Variants in MFF observed in about 807,000 individuals in gnomAD.
MFF encodes chromosome 2 open reading frame 33.
In MFF, 12 loss-of-function variants were observed where a neutral mutation model predicts 36.9. That is an observed-to-expected ratio of 0.33 (90% CI 0.21 to 0.53). MFF has a LOEUF of 0.53. MFF is among the 20% of genes least tolerant of loss of function. MFF has a pLI of 0.95. For missense variants in MFF, 348 were observed against 366.6 expected (o/e 0.95, Z 0.42); for synonymous variants, 99 against 126.2 (o/e 0.78, Z 1.44).
In MFF at chr2:227,353,181, G is replaced by C. The variant is rs141228874; in HGVS notation, c.659+608G>C. On this transcript the variant is annotated intron_variant, in intron 7 of 8. Transcript: ENST00000304593. Reference sequence around the variant, plus strand: ...GTAGGTTGAGCGTTCCTTTCTTCCTGACACGCACAGAGGCTGGCAGAATGG... The same window carrying C: ...GTAGGTTGAGCGTTCCTTTCTTCCTCACACGCACAGAGGCTGGCAGAATGG... 2.7e-3 allele frequency among the ~76,000 whole-genome samples: 415 copies of C among 152,198 alleles called. 1 individual carries two copies. Among genetic ancestry groups the C allele is most frequent in the African/African-American group, 9.2e-3 (381 of 41,530 alleles).
In MFF at chr2:227,357,220, C is replaced by T; in HGVS notation, c.*103C>T. On this transcript the variant is annotated 3_prime_UTR_variant, in exon 9 of 9. Transcript: ENST00000304593. ...CTGCATTGTATGCCATTTTATAGTC[C>T]ACACCCTGAAAATGTATTTCTTCCA... 1 of 1,239,362 alleles carries T rather than the reference C, an allele frequency of 8.1e-7. No homozygotes were observed. The highest frequency in any genetic ancestry group is 1.1e-6 in the Non-Finnish European group (1 of 888,070). 76.8% of individuals were successfully genotyped at this position (1,239,362 alleles called of 1,614,324 possible). A position where few individuals can be genotyped will look rare whatever the true frequency, so the allele number is the denominator to read the frequency against.
chr2:227,325,397 T>G lies in MFF; in HGVS notation c.-183T>G. 3 of 154,284 alleles carry G rather than the reference T, an allele frequency of 1.9e-5. No homozygotes were observed. Among genetic ancestry groups the G allele is most frequent in the South Asian group, 1.9e-4 (1 of 5,286 alleles). 9.6% of individuals were successfully genotyped at this position (154,284 alleles called of 1,614,324 possible). ...CGCCCCGGGAGCCAGAGGGCGGGGG[T>G]CCTCGCCGGGACCCTCCTGTGGGCC... On this transcript the variant is annotated 5_prime_UTR_variant, in exon 1 of 9. Transcript: ENST00000304593.
rs2075762140 is a variant in MFF, at chr2:227,347,221, A to G, written c.441-5A>G. On this transcript the variant is annotated splice_region_variant and splice_polypyrimidine_tract_variant and intron_variant, in intron 5 of 8. Transcript: ENST00000304593. ...TCTCTTCATTTGCTGTGCTTGTGTA[A>G]ACAGTGTGACACCATCGCCACAACA... is the stretch of plus-strand genomic sequence containing the variant. 6.2e-7 allele frequency: 1 copy of G among 1,612,448 alleles called. No individual in the cohort carries two copies. The highest frequency in any genetic ancestry group is 1.3e-5 in the African/African-American group (1 of 74,862).
chr2:227,346,189 T>G (rs1339657427), intron 5 of MFF: 1 of 167,068 alleles, frequency 6.0e-6, no homozygotes, highest in African/African-American at 2.4e-5. Context: ...ATTTTCTTTT[T>G]TCAATTGTTT....
intron 7 of MFF, among the ~76,000 whole-genome samples, chr2:227,353,585 T>A (rs1184319575): frequency 6.6e-6 from 1 of 152,214 alleles, no homozygotes. Flanking sequence ...AAGTTTGTGA[T>A]CTTTTATCTT....
At chr2:227,356,574 A>G (rs1256856626) in intron 8 of MFF, among the ~76,000 whole-genome samples, 1 of 152,190 alleles carries the variant, frequency 6.6e-6, no homozygotes, top group African/African-American at 2.4e-5. Flanking sequence ...AAGATGAACA[A>G]CTGAGGTTGA....
intron 7 of MFF, among the ~76,000 whole-genome samples, chr2:227,354,937 G>A (rs947394630): frequency 6.6e-6 from 1 of 152,150 alleles, no homozygotes; most frequent in Non-Finnish European, 1.5e-5. Context: ...GAGGTGGGTG[G>A]ATCACCTGAG....
At chr2:227,329,090 T>C (rs1329767765) in intron 2 of MFF, 1 of 152,482 alleles carries the variant, frequency 6.6e-6, no homozygotes, top group Non-Finnish European at 1.5e-5. Context: ...CTTTAATTTA[T>C]ATATAGTGTC....
chr2:227,345,124 T>C (rs1034938464), intron 5 of MFF, among the ~76,000 whole-genome samples: 2 of 152,250 alleles, frequency 1.3e-5, no homozygotes, highest in Non-Finnish European at 2.9e-5. Context: ...TATGTTTGAC[T>C]ATTTTATAAG....
chr2:227,341,018 A>G (rs575867021), intron 5 of MFF, among the ~76,000 whole-genome samples: 1 of 151,964 alleles, frequency 6.6e-6, no homozygotes, highest in Non-Finnish European at 1.5e-5. Flanking sequence ...GTTTTGGCCA[A>G]TTTTCGTAAA....
intron 4 of MFF, among the ~76,000 whole-genome samples, chr2:227,337,890 A>C (rs1295364485): frequency 1.3e-5 from 2 of 149,524 alleles, no homozygotes; most frequent in Admixed American, 6.6e-5. Context: ...CTACCAAAAA[A>C]TACAAAAATT....
intron 4 of MFF, among the ~76,000 whole-genome samples, chr2:227,339,359 G>T (rs2075257005): frequency 6.6e-6 from 1 of 152,220 alleles, no homozygotes; most frequent in African/African-American, 2.4e-5. Context: ...GGTATTTGCA[G>T]TTGCCGTGAA....
chr2:227,351,405 G>A (rs954632636), intron 6 of MFF, among the ~76,000 whole-genome samples: 1 of 31,998 alleles, frequency 3.1e-5, no homozygotes, highest in Non-Finnish European at 1.6e-4. Flanking sequence ...AAAATAATTT[G>A]TATTGTAGTC....
At position 227,330,689 on chromosome 2, in the gene MFF, G is replaced by A. The variant is rs910934708; in HGVS notation, c.24G>A (p.Gln8=). Residue 8 remains glutamine (Q), a synonymous_variant, in exon 3 of 9, where the codon CAG becomes CAA. Transcript: ENST00000304593. MAEISRI[Q]YEMEYTEGIS... ...AGATGGCAGAAATTAGTCGAATTCA[G>A]TACGAAATGGAATATACTGAAGGCA... 2 of 1,614,008 alleles carry A rather than the reference G, an allele frequency of 1.2e-6. No individual in the cohort carries two copies. The highest frequency in any genetic ancestry group is 1.3e-5 in the African/African-American group (1 of 74,916).
At chr2:227,337,339 A>G (rs995770340) in intron 4 of MFF, among the ~76,000 whole-genome samples, 1 of 152,202 alleles carries the variant, frequency 6.6e-6, no homozygotes, top group Non-Finnish European at 1.5e-5. Flanking sequence ...GAAGATATTT[A>G]TCCCAACTGT....
At chr2:227,348,131 G>T (rs1203255916) in intron 6 of MFF, among the ~76,000 whole-genome samples, 1 of 152,138 alleles carries the variant, frequency 6.6e-6, no homozygotes, top group Non-Finnish European at 1.5e-5. Flanking sequence ...CATTTATCTA[G>T]TGGCTTCTGG....
At position 227,330,653 on chromosome 2, in the gene MFF, C is replaced by A; in HGVS notation, c.-13C>A. The A allele has an allele frequency of 6.2e-7, 1 of 1,613,918 alleles. No individual in the cohort carries two copies. Among genetic ancestry groups the A allele is most frequent in the Non-Finnish European group, 8.5e-7 (1 of 1,179,808 alleles). On this transcript the variant is annotated 5_prime_UTR_variant, in exon 3 of 9. Transcript: ENST00000304593. ...TGAGCAGGGCAGCATTTCCTTCTCC[C>A]ACTGCTGCTGAGATGGCAGAAATTA...
chr2:227,338,546 T>A, intron 4 of MFF, among the ~76,000 whole-genome samples: 6 of 152,052 alleles, frequency 3.9e-5, no homozygotes, highest in Admixed American at 3.3e-4. Flanking sequence ...AAAACCATAA[T>A]GTCGGCCGGG....
chr2:227,357,270 T>C lies in MFF; in HGVS notation c.*153T>C. 1 of 784,064 alleles carries C rather than the reference T, an allele frequency of 1.3e-6. No individual in the cohort carries two copies. The allele number at this position is 784,064 out of a possible 1,614,324, so 48.6% of individuals were successfully genotyped here. A position where few individuals can be genotyped will look rare whatever the true frequency, so the allele number is the denominator to read the frequency against. On this transcript the variant is annotated 3_prime_UTR_variant, in exon 9 of 9. Transcript: ENST00000304593. The stretch of plus-strand genomic sequence containing the variant: ...AGAAAGTCTGGAGGAAGGACCTATA[T>C]TTGTAGAAGTAAAGGTATATTCTGT...
Sources: gnomAD v4.1 joint callset for allele counts (sites outside exome capture counted in the v4.1 genomes callset) on GRCh38, gnomAD v4.1.1 for gene constraint, MANE v1.5 for transcripts, NCBI Gene and HGNC (gene_info 2026-07-23, HGNC 2026-07-21) for gene names.